The following TMEM132D variants were observed in gnomAD, a reference collection of about 807,000 sequenced individuals.
The protein encoded by TMEM132D is transmembrane protein 132D.
A neutral mutation model predicts 62.3 loss-of-function variants in TMEM132D; 21 were observed. The ratio of observed to expected loss-of-function variants is 0.34; its 90% CI spans 0.24 to 0.49. TMEM132D has a LOEUF of 0.49. Among genes scored for constraint, TMEM132D ranks in the 20% least tolerant of loss-of-function variants. The pLI is 0.99. For missense variants in TMEM132D, 1,346 were observed against 1,402.8 expected (o/e 0.96, Z 0.65); for synonymous variants, 621 against 575.6 (o/e 1.08, Z -1.13).
chr12:129,680,529 G>C (rs1286593774), intron 2 of TMEM132D, among the ~76,000 whole-genome samples: 3 of 152,078 alleles, frequency 2.0e-5, no homozygotes, highest in African/African-American at 7.2e-5. Context: ...ATCTGCCTTT[G>C]ATCGCAGCTG....
At chr12:129,688,986 T>C (rs968565046) in intron 2 of TMEM132D, among the ~76,000 whole-genome samples, 1 of 152,176 alleles carries the variant, frequency 6.6e-6, no homozygotes, top group Non-Finnish European at 1.5e-5. Flanking sequence ...TCTGGACATA[T>C]TTTTCAGTCG....
chr12:129,315,927 T>C (rs1868476373), intron 4 of TMEM132D, among the ~76,000 whole-genome samples: 1 of 152,164 alleles, frequency 6.6e-6, no homozygotes, highest in South Asian at 2.1e-4. Context: ...CTTATGTGCG[T>C]AAAGGTGTTC....
intron 3 of TMEM132D, among the ~76,000 whole-genome samples, chr12:129,341,186 T>A (rs1230716647): frequency 6.6e-6 from 1 of 152,242 alleles, no homozygotes; most frequent in African/African-American, 2.4e-5. Context: ...ACTGTGCCTT[T>A]GCAGTTTGTG....
At position 129,081,766 on chromosome 12, in the gene TMEM132D, G is replaced by C. The variant is rs1487683779; in HGVS notation, c.1916C>G (p.Thr639Ser). 3.8e-6 allele frequency: 6 copies of C among 1,582,670 alleles called. No homozygotes were observed. Among genetic ancestry groups the C allele is most frequent in the Non-Finnish European group, 5.1e-6 (6 of 1,167,088 alleles). The change falls in exon 7 of 9, where the codon ACC becomes AGC. Residue 639 changes from threonine to serine, a missense_variant. Thr to Ser is a moderately conservative substitution (Grantham distance 58). Transcript: ENST00000422113. Reference sequence around the variant, plus strand: ...TTTTTTTTTTTTTTTTACCTGAATGGTGGTCATCCCAAGCTCCTGCCCCAT... The same window carrying C: ...TTTTTTTTTTTTTTTTACCTGAATGCTGGTCATCCCAAGCTCCTGCCCCAT... ...ILMGQELGMT[T>S]IQILSPLSDT...
chr12:129,885,790 C>T (rs1874733023), intron 1 of TMEM132D, among the ~76,000 whole-genome samples: 1 of 152,134 alleles, frequency 6.6e-6, no homozygotes. Flanking sequence ...TAAATGTATC[C>T]ATTGGAATAT....
intron 5 of TMEM132D, among the ~76,000 whole-genome samples, chr12:129,139,540 C>T (rs1017774905): frequency 6.6e-6 from 1 of 152,240 alleles, no homozygotes; most frequent in Admixed American, 6.5e-5. Flanking sequence ...TTCCACTGGC[C>T]ACTAATAGAA....
chr12:129,366,709 G>T (rs1870426012), intron 3 of TMEM132D, among the ~76,000 whole-genome samples: 1 of 152,212 alleles, frequency 6.6e-6, no homozygotes, highest in African/African-American at 2.4e-5. Flanking sequence ...CTTCTGGTGT[G>T]AAAGGAGCCA....
intron 4 of TMEM132D, among the ~76,000 whole-genome samples, chr12:129,265,293 A>G (rs1880656304): frequency 6.6e-6 from 1 of 152,168 alleles, no homozygotes; most frequent in Non-Finnish European, 1.5e-5. Context: ...AGCCTGAGTC[A>G]ATAAAGAAAA....
At chr12:129,202,718 T>A (rs944318828) in intron 5 of TMEM132D, among the ~76,000 whole-genome samples, 4 of 152,126 alleles carry the variant, frequency 2.6e-5, no homozygotes, top group Non-Finnish European at 5.9e-5. Context: ...TGTGGCCACC[T>A]GCAGAAAGAA....
Position 129,362,932 on chromosome 12 carries a change from A to C in TMEM132D, c.1116-25115T>G, listed in dbSNP as rs138649614. ...CAGACTCCTTCAACCTTCTAACTTT[A>C]ATTGACAATTGCACATGGTACAGCA... On this transcript the variant is annotated intron_variant, in intron 3 of 8. Coordinates refer to ENST00000422113, the MANE Select transcript of TMEM132D (RefSeq NM_133448.3). Among the ~76,000 whole-genome samples the C allele has an allele frequency of 5.6e-3, 860 of 152,324 alleles. 8 individuals are homozygous for C. Among genetic ancestry groups the C allele is most frequent in the Non-Finnish European group, 9.3e-3 (634 of 68,022 alleles).
At chr12:129,413,307 C>A (rs2135706924) in intron 3 of TMEM132D, among the ~76,000 whole-genome samples, 1 of 152,248 alleles carries the variant, frequency 6.6e-6, no homozygotes, top group East Asian at 1.9e-4. Flanking sequence ...TAAGGGGAAA[C>A]CCTTTTCACT....
chr12:129,462,352 C>T (rs140840839), intron 3 of TMEM132D, among the ~76,000 whole-genome samples: 19 of 152,194 alleles, frequency 1.2e-4, no homozygotes, highest in South Asian at 1.2e-3. Context: ...CAAAAAGAGA[C>T]GCTCAAAGGT....
chr12:129,148,795 T>C (rs1441188448), intron 5 of TMEM132D, among the ~76,000 whole-genome samples: 1 of 152,180 alleles, frequency 6.6e-6, no homozygotes, highest in African/African-American at 2.4e-5. Context: ...GACAGAGGCT[T>C]CCTGGCAGGC....
At chr12:129,603,675 G>T (rs766195829) in intron 2 of TMEM132D, among the ~76,000 whole-genome samples, 8 of 152,190 alleles carry the variant, frequency 5.3e-5, no homozygotes, top group Non-Finnish European at 1.2e-4. Flanking sequence ...AACAACAGGT[G>T]CTGGAGAGGA....
intron 5 of TMEM132D, among the ~76,000 whole-genome samples, chr12:129,201,634 A>T (rs1463937403): frequency 2.0e-5 from 3 of 152,238 alleles, no homozygotes; most frequent in Non-Finnish European, 4.4e-5. Flanking sequence ...GTCCTAGAAG[A>T]CAAATACTCT....
intron 5 of TMEM132D, among the ~76,000 whole-genome samples, chr12:129,148,287 G>A (rs967120146): frequency 7.9e-5 from 12 of 152,248 alleles, no homozygotes; most frequent in South Asian, 6.2e-4. Context: ...AGAGGTCTAC[G>A]TCCAAATTGC....
chr12:129,211,340 T>C (rs1446063247), intron 4 of TMEM132D, among the ~76,000 whole-genome samples: 2 of 152,196 alleles, frequency 1.3e-5, no homozygotes, highest in African/African-American at 4.8e-5. Flanking sequence ...TCTAAAACAA[T>C]TGTCATTTTA....
At chr12:129,112,484 A>G (rs1875749377) in intron 5 of TMEM132D, among the ~76,000 whole-genome samples, 1 of 152,202 alleles carries the variant, frequency 6.6e-6, no homozygotes, top group South Asian at 2.1e-4. Flanking sequence ...CAACATGGAG[A>G]AACCCCGTCT....
At chr12:129,799,686 G>A (rs1871699987) in intron 1 of TMEM132D, among the ~76,000 whole-genome samples, 1 of 152,100 alleles carries the variant, frequency 6.6e-6, no homozygotes, top group Non-Finnish European at 1.5e-5. Context: ...GTCCTCGTTA[G>A]TACCTGTGTT....
Sources: allele counts gnomAD v4.1 joint callset (sites outside exome capture counted in the v4.1 genomes callset), GRCh38; gene constraint gnomAD v4.1.1; transcripts MANE v1.5; gene names NCBI Gene and HGNC (gene_info 2026-07-23, HGNC 2026-07-21).